The following ASNS variants were observed in gnomAD, a reference collection of about 807,000 sequenced individuals.
ASNS encodes asparagine synthetase (glutamine-hydrolyzing).
Under a neutral mutation model 62.6 loss-of-function variants are expected in ASNS, and 37 were observed. That is an observed-to-expected ratio of 0.59 (90% CI 0.45 to 0.78). ASNS has a LOEUF of 0.78. Among genes scored for constraint, ASNS ranks in the 30% least tolerant of loss-of-function variants. ASNS has a pLI of 0.00. For synonymous variants in ASNS, 207 were observed against 237.9 expected (o/e 0.87, Z 1.19); for missense variants, 520 against 682.4 (o/e 0.76, Z 2.65).
the ASNS span, among the ~76,000 whole-genome samples, chr7:97,886,901 AT>A: frequency 6.6e-6 from 1 of 152,214 alleles, no homozygotes; most frequent in East Asian, 1.9e-4. Context: ...GGCTGATGTT[AT>A]TATGAAGGAA....
At chr7:97,926,546 T>A in the ASNS span, among the ~76,000 whole-genome samples, 3 of 152,118 alleles carry the variant, frequency 2.0e-5, no homozygotes, top group African/African-American at 7.2e-5. Context: ...AAGAGAGTAT[T>A]CCCATAGAAA....
At chr7:97,880,115 A>C in the ASNS span, among the ~76,000 whole-genome samples, 1 of 143,904 alleles carries the variant, frequency 6.9e-6, no homozygotes, top group East Asian at 2.2e-4. Flanking sequence ...AGCTCCATAA[A>C]GGAAGGATCA....
chr7:97,852,176 G>T lies in ASNS; in HGVS notation c.*83C>A, dbSNP rs1480281830. On this transcript the variant is annotated 3_prime_UTR_variant, in exon 13 of 13. Transcript: ENST00000394308. ...TTTCACACCCAAGTTAGCCTGAGTT[G>T]ACTCTCATTGTTCCCCTATCTACCC... 9 of 1,467,938 alleles carry T rather than the reference G, an allele frequency of 6.1e-6. No individual in the cohort carries two copies. The East Asian group carries it at 1.7e-4, about 27-fold the overall frequency. The allele number at this position is 1,467,938 out of a possible 1,614,324, so 90.9% of individuals were successfully genotyped here.
chr7:97,915,996 C>T, the ASNS span, among the ~76,000 whole-genome samples: 2 of 152,168 alleles, frequency 1.3e-5, no homozygotes, highest in East Asian at 3.9e-4. Context: ...CTGTAGACAA[C>T]CTCCAAGCCA....
At chr7:97,878,933 G>T in the ASNS span, among the ~76,000 whole-genome samples, 1 of 152,136 alleles carries the variant, frequency 6.6e-6, no homozygotes, top group Admixed American at 6.5e-5. Flanking sequence ...CATAGTACTG[G>T]TACCAAAACA....
chr7:97,866,746 T>C (rs1791991985), intron 3 of ASNS, among the ~76,000 whole-genome samples: 1 of 152,224 alleles, frequency 6.6e-6, no homozygotes. Flanking sequence ...CCATAATTTG[T>C]GAATCTTTTG....
At chr7:97,876,296 C>T (rs1472911326), upstream of ASNS, among the ~76,000 whole-genome samples, 4 of 152,150 alleles carry the variant, frequency 2.6e-5, no homozygotes, top group East Asian at 1.9e-4. Flanking sequence ...GCTGTGTGAC[C>T]GTCACCTTTG....
At position 97,868,917 on chromosome 7, in the gene ASNS, G is replaced by C; in HGVS notation, c.240C>G (p.Asn80Lys). 6.2e-7 allele frequency: 1 copy of C among 1,613,894 alleles called. No individual in the cohort carries two copies. Among genetic ancestry groups the C allele is most frequent in the Non-Finnish European group, 8.5e-7 (1 of 1,180,020 alleles). The change falls in exon 3 of 13, where the codon AAC (asparagine) becomes AAG (lysine). Residue 80 changes from asparagine to lysine, a missense_variant. Physicochemically the swap from Asn to Lys is moderately conservative, Grantham distance 94 (BLOSUM62 0). Coordinates refer to ENST00000394308, the MANE Select transcript of ASNS (RefSeq NM_001673.5). ...LWLCYNGEIYNHKKMQQHFEF... is the reference protein window; with the variant it reads ...LWLCYNGEIYKHKKMQQHFEF... The stretch of plus-strand genomic sequence containing the variant: ...GTTTCTTTCTCCTCACCTTCTTATG[G>C]TTGTAGATTTCACCATTGTAACAGA...
At chr7:97,879,395 C>T in the ASNS span, among the ~76,000 whole-genome samples, 909 of 152,294 alleles carry the variant, frequency 6.0e-3, 8 homozygotes, top group African/African-American at 0.021. Flanking sequence ...GCTATCTACT[C>T]GTCTGACAAA....
the ASNS span, among the ~76,000 whole-genome samples, chr7:97,896,575 C>T: frequency 8.9e-5 from 11 of 123,236 alleles, no homozygotes; most frequent in East Asian, 7.5e-4. Context: ...CCAGCCTCGG[C>T]GACAGAGCAA....
the ASNS span, among the ~76,000 whole-genome samples, chr7:97,917,678 T>G: frequency 6.6e-6 from 1 of 152,216 alleles, no homozygotes; most frequent in African/African-American, 2.4e-5. Flanking sequence ...CTGTTTCTGC[T>G]GCCATTGCCC....
the ASNS span, among the ~76,000 whole-genome samples, chr7:97,909,327 A>G: frequency 9.5e-6 from 1 of 104,876 alleles, no homozygotes; most frequent in Non-Finnish European, 1.8e-5. Flanking sequence ...TTTTTGAGAC[A>G]GAGTCTCGCT....
the ASNS span, among the ~76,000 whole-genome samples, chr7:97,925,660 A>G: frequency 8.2e-4 from 125 of 152,320 alleles, no homozygotes; most frequent in African/African-American, 2.8e-3. Flanking sequence ...GCACCTCTAC[A>G]GGAGCCCCAG....
At chr7:97,857,650 C>T (rs73140945) in intron 7 of ASNS, among the ~76,000 whole-genome samples, 21,743 of 149,526 alleles carry the variant, frequency 0.15, 1,962 homozygotes, top group Admixed American at 0.28. Context: ...AACAAAAAAC[C>T]CGTTTTTTTA....
the ASNS span, among the ~76,000 whole-genome samples, chr7:97,921,499 C>T: frequency 1.3e-5 from 2 of 152,170 alleles, no homozygotes; most frequent in East Asian, 1.9e-4. Flanking sequence ...TACAGCCTGC[C>T]TCCTCTGCTA....
At chr7:97,857,651 C>T (rs1187328323) in intron 7 of ASNS, among the ~76,000 whole-genome samples, 9 of 149,532 alleles carry the variant, frequency 6.0e-5, no homozygotes, top group Admixed American at 4.0e-4. Flanking sequence ...ACAAAAAACC[C>T]GTTTTTTTAA....
the ASNS span, among the ~76,000 whole-genome samples, chr7:97,884,811 C>T: frequency 6.6e-6 from 1 of 152,328 alleles, no homozygotes; most frequent in Non-Finnish European, 1.5e-5. Flanking sequence ...TCGGCAACCA[C>T]CATCATGATC....
intron 3 of ASNS, among the ~76,000 whole-genome samples, chr7:97,868,150 T>C (rs1167352146): frequency 6.6e-6 from 1 of 151,960 alleles, no homozygotes; most frequent in African/African-American, 2.4e-5. Flanking sequence ...TTTACTAAAA[T>C]ACAAAAAATT....
At chr7:97,904,852 C>G in the ASNS span, among the ~76,000 whole-genome samples, 1 of 152,218 alleles carries the variant, frequency 6.6e-6, no homozygotes, top group Non-Finnish European at 1.5e-5. Context: ...GTGACATTTT[C>G]TCTGTTTTTC....
Sources: allele counts gnomAD v4.1 joint callset (sites outside exome capture counted in the v4.1 genomes callset), GRCh38; gene constraint gnomAD v4.1.1; transcripts MANE v1.5; gene names NCBI Gene and HGNC (gene_info 2026-07-23, HGNC 2026-07-21).